PLCB4: variants seen among roughly 807,000 people sequenced by gnomAD.
The protein encoded by PLCB4 is 1-phosphatidylinositol 4,5-bisphosphate phosphodiesterase beta-4.
In PLCB4, 77 loss-of-function variants were observed where a neutral mutation model predicts 178.8. That is an observed-to-expected ratio of 0.43 (90% CI 0.36 to 0.52). PLCB4 has a LOEUF of 0.52. PLCB4 is among the 20% of genes least tolerant of loss of function. The pLI is 0.00. For synonymous variants in PLCB4, 496 were observed against 490.8 expected, an observed-to-expected ratio of 1.01 and a Z score of -0.14; for missense variants, 1,024 against 1,453.4, an observed-to-expected ratio of 0.70 and a Z score of 4.80.
intron 3 of PLCB4, among the ~76,000 whole-genome samples, chr20:9,246,585 G>C (rs1038591092): frequency 4.0e-5 from 6 of 150,522 alleles, no homozygotes; most frequent in Non-Finnish European, 7.4e-5. Flanking sequence ...GTAAGGCTTT[G>C]GCATCTTGAG....
intron 12 of PLCB4, among the ~76,000 whole-genome samples, chr20:9,373,344 G>A (rs1177186355): frequency 5.3e-5 from 8 of 152,116 alleles, no homozygotes. Context: ...TGTAGCTCTG[G>A]TTCTGTGTGT....
Position 9,381,558 on chromosome 20 carries a change from G to A in PLCB4, c.853+1396G>A, listed in dbSNP as rs189091993. On this transcript the variant is annotated intron_variant, in intron 13 of 39. Transcript: ENST00000378473. The stretch of plus-strand genomic sequence containing the variant: ...GTGTGATAAATGTCATGATTGAGGT[G>A]TGTCCTTGTTTATTTCCAAATTCCT... Among the ~76,000 whole-genome samples the A allele has an allele frequency of 1.0e-3, 156 of 152,328 alleles. 1 individual carries two copies. Among genetic ancestry groups the A allele is most frequent in the South Asian group, 4.4e-3 (21 of 4,826 alleles).
intron 3 of PLCB4, among the ~76,000 whole-genome samples, chr20:9,307,421 G>T (rs1568559460): frequency 6.6e-6 from 1 of 151,446 alleles, no homozygotes. Flanking sequence ...TTTACAGCAG[G>T]CCTCTCTTAT....
At chr20:9,222,450 C>G (rs946555906) in intron 3 of PLCB4, among the ~76,000 whole-genome samples, 3 of 152,076 alleles carry the variant, frequency 2.0e-5, no homozygotes, top group African/African-American at 7.2e-5. Flanking sequence ...CACCTGATGT[C>G]CTAGACCAGC....
At chr20:9,219,155 G>A (rs1439419531) in intron 3 of PLCB4, among the ~76,000 whole-genome samples, 4 of 152,192 alleles carry the variant, frequency 2.6e-5, no homozygotes, top group Admixed American at 6.5e-5. Flanking sequence ...ATTAAGGAGT[G>A]TAAATGCCAT....
chr20:9,236,968 G>A (rs1352171820), intron 3 of PLCB4, among the ~76,000 whole-genome samples: 1 of 152,012 alleles, frequency 6.6e-6, no homozygotes, highest in East Asian at 1.9e-4. Flanking sequence ...CTATGTGATA[G>A]GTTTTATTCT....
chr20:9,294,390 T>C (rs572041585), intron 3 of PLCB4, among the ~76,000 whole-genome samples: 35 of 152,220 alleles, frequency 2.3e-4, no homozygotes, highest in Admixed American at 3.9e-4. Context: ...AGGATGAAGC[T>C]TGAAAAAAAA....
At chr20:9,250,994 C>T (rs2094174872) in intron 3 of PLCB4, among the ~76,000 whole-genome samples, 1 of 152,160 alleles carries the variant, frequency 6.6e-6, no homozygotes, top group Admixed American at 6.5e-5. Context: ...TGTGTTTTAA[C>T]TTTGTTTTTA....
intron 2 of PLCB4, among the ~76,000 whole-genome samples, chr20:9,203,976 C>T (rs1363880059): frequency 1.3e-5 from 2 of 151,966 alleles, no homozygotes; most frequent in East Asian, 3.9e-4. Context: ...TCTGCCATTA[C>T]ACACGTTTGA....
intron 7 of PLCB4, among the ~76,000 whole-genome samples, chr20:9,355,468 C>T (rs2034722556): frequency 6.6e-6 from 1 of 151,942 alleles, no homozygotes; most frequent in Non-Finnish European, 1.5e-5. Context: ...CAACAGTCCC[C>T]AGAGTGTGAT....
At chr20:9,219,099 A>C (rs977482653) in intron 3 of PLCB4, among the ~76,000 whole-genome samples, 1 of 152,268 alleles carries the variant, frequency 6.6e-6, no homozygotes, top group East Asian at 1.9e-4. Context: ...AGCAGAGCTC[A>C]GAAGTTTTGT....
At chr20:9,096,934 T>TC (rs2090933218) in intron 2 of PLCB4, among the ~76,000 whole-genome samples, 4 of 152,040 alleles carry the variant, frequency 2.6e-5, no homozygotes, top group Non-Finnish European at 5.9e-5. Context: ...ACTTTGGCTT[T>TC]CTTTTTTTTT....
At chr20:9,285,599 A>G (rs1190556632) in intron 3 of PLCB4, among the ~76,000 whole-genome samples, 1 of 152,016 alleles carries the variant, frequency 6.6e-6, no homozygotes, top group Non-Finnish European at 1.5e-5. Context: ...AAGTAAATAA[A>G]CATTACAGAG....
intron 4 of PLCB4, among the ~76,000 whole-genome samples, chr20:9,326,837 C>T (rs761539941): frequency 2.6e-5 from 4 of 152,074 alleles, no homozygotes; most frequent in Non-Finnish European, 5.9e-5. Flanking sequence ...CCCAGAGTTA[C>T]GAACTCTGGG....
At chr20:9,210,833 C>T (rs574239290) in intron 2 of PLCB4, among the ~76,000 whole-genome samples, 18 of 152,158 alleles carry the variant, frequency 1.2e-4, no homozygotes, top group African/African-American at 4.1e-4. Flanking sequence ...GGGTGAGTGC[C>T]ATGAGTTCTA....
At chr20:9,180,193 T>A (rs2147084835) in intron 2 of PLCB4, among the ~76,000 whole-genome samples, 1 of 152,328 alleles carries the variant, frequency 6.6e-6, no homozygotes, top group East Asian at 1.9e-4. Context: ...GGCCCCAATA[T>A]TCATCATAAT....
At chr20:9,121,228 G>A (rs1249545466) in intron 2 of PLCB4, among the ~76,000 whole-genome samples, 1 of 152,126 alleles carries the variant, frequency 6.6e-6, no homozygotes, top group African/African-American at 2.4e-5. Flanking sequence ...CTGGATGAAT[G>A]TTTCTTGAAT....
chr20:9,316,790 G>C (rs571074143), intron 4 of PLCB4, among the ~76,000 whole-genome samples: 19 of 152,330 alleles, frequency 1.2e-4, no homozygotes, highest in African/African-American at 4.6e-4. Flanking sequence ...AGATCAGCCA[G>C]ATTTTTGCAA....
At chr20:9,084,622 A>G (rs1443533481) in intron 1 of PLCB4, among the ~76,000 whole-genome samples, 2 of 152,140 alleles carry the variant, frequency 1.3e-5, no homozygotes, top group Non-Finnish European at 2.9e-5. Flanking sequence ...TGGAGGTGCT[A>G]TGAATGAGTT....
Sources: gnomAD v4.1 joint callset for allele counts (sites outside exome capture counted in the v4.1 genomes callset) on GRCh38, gnomAD v4.1.1 for gene constraint, MANE v1.5 for transcripts, NCBI Gene and HGNC (gene_info 2026-07-23, HGNC 2026-07-21) for gene names.